Variants in FHIP2A observed in about 807,000 individuals in gnomAD.
FHIP2A encodes the protein family with sequence similarity 160 member B1.
Under a neutral mutation model 93.5 loss-of-function variants are expected in FHIP2A, and 46 were observed. The ratio of observed to expected loss-of-function variants is 0.49; its 90% confidence interval spans 0.39 to 0.63. FHIP2A has a LOEUF of 0.63. FHIP2A is among the 20% of genes least tolerant of loss of function. The pLI, the probability that FHIP2A is intolerant of heterozygous loss-of-function variation, is 0.00. For synonymous variants in FHIP2A, 332 were observed against 326.5 expected (o/e 1.02, Z -0.18); for missense variants, 769 against 909.7 (o/e 0.85, Z 1.99).
intron 6 of FHIP2A, 50 bp downstream of exon 6, chr10:114,843,276 G>GT: frequency 1.9e-6 from 2 of 1,079,052 alleles, no homozygotes; most frequent in Non-Finnish European, 2.5e-6. Flanking sequence ...TCAATAATGT[G>GT]TATTTATTTA....
At chr10:114,876,432 C>A (rs1291859491) in intron 16 of FHIP2A, among the ~76,000 whole-genome samples, 2 of 152,192 alleles carry the variant, frequency 1.3e-5, no homozygotes, top group African/African-American at 4.8e-5. Flanking sequence ...CACCCCACAT[C>A]ACCTCCCCGA....
intron 5 of FHIP2A, among the ~76,000 whole-genome samples, chr10:114,837,493 C>A (rs1271230633): frequency 6.6e-6 from 1 of 152,162 alleles, no homozygotes; most frequent in Non-Finnish European, 1.5e-5. Flanking sequence ...CCAGCCTGGG[C>A]AACAGTGTGA....
rs748123206 is a variant in FHIP2A, at chr10:114,836,227, T to C, written c.503T>C (p.Leu168Pro). 1 of 1,595,262 alleles carries C rather than the reference T, an allele frequency of 6.3e-7. No homozygotes were observed. Among genetic ancestry groups the C allele is most frequent in the Non-Finnish European group, 8.6e-7 (1 of 1,167,138 alleles). The change falls in exon 5 of 17, where the codon CTG becomes CCG. Residue 168 changes from leucine to proline, a missense_variant. By Grantham distance (98) the Leu-to-Pro change is moderately conservative. Coordinates refer to ENST00000369248, the MANE Select transcript of FHIP2A (RefSeq NM_020940.4). ...VCAKLKQDPY[L>P]VNFFLENKMK... ...GCGAAGCTGAAACAGGACCCCTACC[T>C]GGTTAACTTTTTCCTAGAGGTATGA...
Position 114,821,937 on chromosome 10 carries a change from G to C in FHIP2A, c.-142G>C, listed in dbSNP as rs2083526334. 5.0e-6 allele frequency: 2 copies of C among 398,374 alleles called. No individual in the cohort carries two copies. Among genetic ancestry groups the C allele is most frequent in the Non-Finnish European group, 8.3e-6 (2 of 240,098 alleles). The allele number at this position is 398,374 out of a possible 1,614,324, so 24.7% of individuals were successfully genotyped here. Reference sequence around the variant, plus strand: ...ACCTGAAGCGGCCGGGCCAGGCCCTGCCTCGATCCTCAGCTCGTCCTCCCC... The same window carrying C: ...ACCTGAAGCGGCCGGGCCAGGCCCTCCCTCGATCCTCAGCTCGTCCTCCCC... On this transcript the variant is annotated 5_prime_UTR_variant, in exon 1 of 17. Coordinates refer to ENST00000369248, the MANE Select transcript of FHIP2A (RefSeq NM_020940.4).
intron 3 of FHIP2A, among the ~76,000 whole-genome samples, chr10:114,834,816 A>G (rs191742130): frequency 5.9e-5 from 9 of 152,356 alleles, no homozygotes; most frequent in Admixed American, 5.9e-4. Flanking sequence ...CTTGAACAAC[A>G]TGGGTTTGAA....
chr10:114,853,706 A>G (rs1175541160), intron 13 of FHIP2A, among the ~76,000 whole-genome samples: 2 of 152,206 alleles, frequency 1.3e-5, no homozygotes, highest in Non-Finnish European at 2.9e-5. Flanking sequence ...TTTCTTAAAA[A>G]TTGAGATTTG....
chr10:114,871,112 T>A (rs941135575), intron 16 of FHIP2A, among the ~76,000 whole-genome samples: 1 of 146,098 alleles, frequency 6.8e-6, no homozygotes, highest in Non-Finnish European at 1.5e-5. Flanking sequence ...ATATATATAC[T>A]GTTATATATA....
chr10:114,860,677 A>G lies in FHIP2A; in HGVS notation c.1948-72A>G, dbSNP rs2083792377. ...AGATTCTCCTTTCTTAAAAGAACAA[A>G]TTGAAATAGTAAATTAAGCACACCG... is the stretch of plus-strand genomic sequence containing the variant. On this transcript the variant is annotated intron_variant, in intron 14 of 16. Transcript: ENST00000369248. 5.5e-6 allele frequency: 7 copies of G among 1,262,996 alleles called. No homozygotes were observed. The Admixed American group carries it at 1.0e-4, about 18-fold the overall frequency. 78.2% of individuals were successfully genotyped at this position (1,262,996 alleles called of 1,614,324 possible).
intron 3 of FHIP2A, among the ~76,000 whole-genome samples, chr10:114,834,403 G>A (rs2083625301): frequency 6.6e-6 from 1 of 152,132 alleles, no homozygotes; most frequent in Non-Finnish European, 1.5e-5. Context: ...TGTACGTCTA[G>A]TAAATTTATT....
chr10:114,894,283 G>A (rs2083989474), intron 16 of FHIP2A, among the ~76,000 whole-genome samples: 1 of 152,010 alleles, frequency 6.6e-6, no homozygotes, highest in South Asian at 2.1e-4. Flanking sequence ...ATGAAGCTGG[G>A]CATGGTGGCT....
chr10:114,894,517 G>C (rs942143), intron 16 of FHIP2A, among the ~76,000 whole-genome samples: 1 of 152,014 alleles, frequency 6.6e-6, no homozygotes, highest in Non-Finnish European at 1.5e-5. Flanking sequence ...TGCAGTGAGC[G>C]GTGATTGTGC....
At chr10:114,865,253 G>T (rs2083822946), downstream of FHIP2A, among the ~76,000 whole-genome samples, 1 of 152,126 alleles carries the variant, frequency 6.6e-6, no homozygotes, top group African/African-American at 2.4e-5. Flanking sequence ...CTCCCAAAGT[G>T]CTGGGATTAC....
intron 16 of FHIP2A, among the ~76,000 whole-genome samples, chr10:114,890,464 C>T (rs986012093): frequency 1.3e-4 from 19 of 147,154 alleles, no homozygotes; most frequent in Admixed American, 8.2e-4. Flanking sequence ...CATATATTTG[C>T]ATATATTATA....
chr10:114,850,569 A>G (rs1336786235), intron 13 of FHIP2A, among the ~76,000 whole-genome samples: 5 of 152,154 alleles, frequency 3.3e-5, no homozygotes, highest in Admixed American at 2.0e-4. Context: ...GTGTGGTGGC[A>G]TGCACCTGTA....
At chr10:114,888,688 C>T (rs1204061836) in intron 16 of FHIP2A, among the ~76,000 whole-genome samples, 1 of 152,020 alleles carries the variant, frequency 6.6e-6, no homozygotes, top group South Asian at 2.1e-4. Context: ...CTGCAAACTC[C>T]GCCTCCCAGA....
At position 114,847,247 on chromosome 10, in the gene FHIP2A, TA is replaced by T; in HGVS notation, c.1712+18del. The T allele has an allele frequency of 6.3e-7, 1 of 1,589,896 alleles. No homozygotes were observed. Among genetic ancestry groups the T allele is most frequent in the East Asian group, 2.2e-5 (1 of 44,728 alleles). ...AATTGTAAATAGGTGAGTTGCTATA[TA>T]AAATTTGACTTCCATCTCTCTTGTT... is the stretch of plus-strand genomic sequence containing the variant. On this transcript the variant is annotated intron_variant, in intron 12 of 16. Coordinates refer to ENST00000369248, the MANE Select transcript of FHIP2A (RefSeq NM_020940.4).
At position 114,863,717 on chromosome 10, in the gene FHIP2A, AC is replaced by A; in HGVS notation, c.*2179del. ...TGTTAGTGAAACATTGTACTGCATC[AC>A]CAGTTTTTCTTACCTTCTGTTGACA... is the stretch of plus-strand genomic sequence containing the variant. On this transcript the variant is annotated 3_prime_UTR_variant, in exon 17 of 17. Coordinates refer to ENST00000369248, the MANE Select transcript of FHIP2A (RefSeq NM_020940.4). The A allele has an allele frequency of 7.7e-7, 1 of 1,298,216 alleles. No individual in the cohort carries two copies. The highest frequency in any genetic ancestry group is 1.0e-6 in the Non-Finnish European group (1 of 987,032). The allele number at this position is 1,298,216 out of a possible 1,614,324, so 80.4% of individuals were successfully genotyped here. A position where few individuals can be genotyped will look rare whatever the true frequency, so the allele number is the denominator to read the frequency against.
Position 114,821,843 on chromosome 10 carries a change from T to A in FHIP2A, c.-236T>A, listed in dbSNP as rs968385622. On this transcript the variant is annotated 5_prime_UTR_variant, in exon 1 of 17. Transcript: ENST00000369248. The stretch of plus-strand genomic sequence containing the variant: ...CGGAGCTTCTCCGGGCCCCGAGTCC[T>A]CGCCGAACGCCCTCCTCGCCGCCCG... 28 of 245,612 alleles carry A rather than the reference T, an allele frequency of 1.1e-4. No individual in the cohort carries two copies. Among genetic ancestry groups the A allele is most frequent in the Non-Finnish European group, 3.9e-5 (5 of 128,872 alleles). 15.2% of individuals were successfully genotyped at this position (245,612 alleles called of 1,614,324 possible).
At chr10:114,838,801 A>G (rs189844034) in intron 5 of FHIP2A, among the ~76,000 whole-genome samples, 2 of 152,366 alleles carry the variant, frequency 1.3e-5, no homozygotes, top group East Asian at 1.9e-4. Flanking sequence ...ACCTCACTAC[A>G]GAGAACACCC....
Sources: gnomAD v4.1 joint callset for allele counts (sites outside exome capture counted in the v4.1 genomes callset) on GRCh38, gnomAD v4.1.1 for gene constraint, MANE v1.5 for transcripts, NCBI Gene and HGNC (gene_info 2026-07-23, HGNC 2026-07-21) for gene names.